CTNNA3: variants seen among roughly 807,000 people sequenced by gnomAD.
CTNNA3 encodes catenin alpha 3.
Under a neutral mutation model 95.7 loss-of-function variants are expected in CTNNA3, and 76 were observed. The ratio of observed to expected loss-of-function variants is 0.79; its 90% confidence interval spans 0.66 to 0.96. The LOEUF is 0.96. CTNNA3 is among the 40% of genes least tolerant of loss of function. The probability of loss-of-function intolerance (pLI) is 0.00; values close to 1 mark genes in which losing one functional copy is unlikely to be tolerated. For missense variants in CTNNA3, 1,191 were observed against 1,089.8 expected, an observed-to-expected ratio of 1.09 and a Z score of -1.31; for synonymous variants, 431 against 374.4, an observed-to-expected ratio of 1.15 and a Z score of -1.74.
chr10:66,942,588 A>T (rs937879540), intron 7 of CTNNA3, among the ~76,000 whole-genome samples: 1 of 146,600 alleles, frequency 6.8e-6, no homozygotes, highest in Admixed American at 6.8e-5. Flanking sequence ...GTGTGTGTGT[A>T]TGTGTGTGTG....
intron 17 of CTNNA3, among the ~76,000 whole-genome samples, chr10:65,965,685 G>A (rs1412368110): frequency 4.6e-5 from 7 of 151,912 alleles, no homozygotes; most frequent in African/African-American, 7.3e-5. Flanking sequence ...CTGAAACACC[G>A]CAACTGGCTC....
chr10:66,880,781 C>T (rs1844819091), intron 7 of CTNNA3, among the ~76,000 whole-genome samples: 1 of 152,030 alleles, frequency 6.6e-6, no homozygotes, highest in Non-Finnish European at 1.5e-5. Flanking sequence ...TTGCTCATAG[C>T]AAATGGCAGC....
chr10:65,943,068 CT>C lies in CTNNA3; in HGVS notation c.2401-22452del, dbSNP rs749513883. 4.5e-3 allele frequency among the ~76,000 whole-genome samples: 634 copies of C among 142,070 alleles called. 5 individuals carry two copies. Among genetic ancestry groups the C allele is most frequent in the African/African-American group, 0.014 (543 of 39,510 alleles). 93.2% of individuals were successfully genotyped at this position (142,070 alleles called of 152,430 possible). A position where few individuals can be genotyped will look rare whatever the true frequency, so the allele number is the denominator to read the frequency against. ...AATAGTTATGTCTTTTTTTCTTTTT[CT>C]TTTTTTTTTTTTGAGACGGAGTCTC... On this transcript the variant is annotated intron_variant, in intron 17 of 17. Transcript: ENST00000433211.
chr10:66,086,486 C>T (rs754385506), intron 14 of CTNNA3, among the ~76,000 whole-genome samples: 14 of 151,632 alleles, frequency 9.2e-5, no homozygotes, highest in South Asian at 4.2e-4. Flanking sequence ...CATGGGCATG[C>T]GAATTTTTTT....
At chr10:67,169,821 A>G (rs905788198) in intron 7 of CTNNA3, among the ~76,000 whole-genome samples, 18 of 152,174 alleles carry the variant, frequency 1.2e-4, no homozygotes, top group Non-Finnish European at 2.2e-4. Flanking sequence ...TCAACACAGT[A>G]AACAGACAAC....
At chr10:66,809,268 A>G (rs1248888485) in intron 7 of CTNNA3, among the ~76,000 whole-genome samples, 1 of 152,208 alleles carries the variant, frequency 6.6e-6, no homozygotes, top group African/African-American at 2.4e-5. Context: ...TGACATCATT[A>G]TGATATTAAG....
intron 16 of CTNNA3, among the ~76,000 whole-genome samples, chr10:65,969,817 G>A (rs3017064): frequency 0.19 from 28,978 of 152,004 alleles, 2,928 homozygotes; most frequent in South Asian, 0.29. Context: ...TCCTGAGACT[G>A]AGAAAAAGAT....
At chr10:66,939,895 C>G (rs562102576) in intron 7 of CTNNA3, among the ~76,000 whole-genome samples, 1 of 152,266 alleles carries the variant, frequency 6.6e-6, no homozygotes, top group East Asian at 1.9e-4. Context: ...AACTGCAATC[C>G]TCAAGTTCTC....
Position 66,583,299 on chromosome 10 carries a change from TTTGTTGTTG to T in CTNNA3, c.1374+38384_1374+38392del, listed in dbSNP as rs139169263. Among the ~76,000 whole-genome samples the T allele has an allele frequency of 6.8e-4, 102 of 150,434 alleles. 1 individual carries two copies. Among genetic ancestry groups the T allele is most frequent in the East Asian group, 2.0e-3 (10 of 5,070 alleles). ...TTTGTTTGTTTGCAGTGTTTTGGTT[TTTGTTGTTG>T]TTGTTGTTGTTGTTGTTGTTGTTTT... On this transcript the variant is annotated intron_variant, in intron 10 of 17. Coordinates refer to ENST00000433211, the MANE Select transcript of CTNNA3 (RefSeq NM_013266.4).
rs80186042 is a variant in CTNNA3 at position 66,525,729 on chromosome 10, T to C, written c.1375-4956A>G. Among the ~76,000 whole-genome samples, 135 of 152,278 alleles carry C rather than the reference T, an allele frequency of 8.9e-4. 3 individuals carry two copies. The East Asian group carries it at 0.023, about 26-fold the overall frequency. ...CTCAGTGGCATTAAGTACATTCACA[T>C]AGCTGTGCAACTATCCATCTCCAGA... On this transcript the variant is annotated intron_variant, in intron 10 of 17. Coordinates refer to ENST00000433211, the MANE Select transcript of CTNNA3 (RefSeq NM_013266.4).
At chr10:66,429,674 C>T (rs1394816604) in intron 11 of CTNNA3, among the ~76,000 whole-genome samples, 1 of 152,154 alleles carries the variant, frequency 6.6e-6, no homozygotes, top group Non-Finnish European at 1.5e-5. Context: ...TCGATAGATG[C>T]AGAAAAGGTC....
At chr10:66,225,390 A>AATATAT (rs3053735) in intron 13 of CTNNA3, among the ~76,000 whole-genome samples, 6,467 of 125,696 alleles carry the variant, frequency 0.051, 209 homozygotes, top group East Asian at 0.1. Context: ...ATTTTATTCA[A>AATATAT]ATATATATAT....
intron 10 of CTNNA3, among the ~76,000 whole-genome samples, chr10:66,610,318 G>T (rs1325645669): frequency 6.6e-6 from 1 of 152,132 alleles, no homozygotes; most frequent in South Asian, 2.1e-4. Context: ...ACCCGCACAT[G>T]TACCCCTGAA....
At chr10:67,101,957 G>A (rs1213031853) in intron 7 of CTNNA3, among the ~76,000 whole-genome samples, 3 of 102,856 alleles carry the variant, frequency 2.9e-5, no homozygotes, top group Admixed American at 8.5e-5. Context: ...CAGAGCATGC[G>A]AAAGAAGAAG....
chr10:67,744,431 G>A (rs899445515), intron 1 of CTNNA3, among the ~76,000 whole-genome samples: 1 of 151,214 alleles, frequency 6.6e-6, no homozygotes, highest in Non-Finnish European at 1.5e-5. Context: ...AAATGGTGCT[G>A]GGAAAACTGG....
At chr10:67,586,674 G>T (rs1437607920) in intron 3 of CTNNA3, among the ~76,000 whole-genome samples, 1 of 151,844 alleles carries the variant, frequency 6.6e-6, no homozygotes, top group Non-Finnish European at 1.5e-5. Flanking sequence ...CCTATTTTTA[G>T]TCTATATGTG....
chr10:67,149,376 G>A (rs1249781589), intron 7 of CTNNA3, among the ~76,000 whole-genome samples: 2 of 152,090 alleles, frequency 1.3e-5, no homozygotes, highest in African/African-American at 4.8e-5. Flanking sequence ...ATGAGGTCAG[G>A]AGATTGAGAC....
chr10:67,473,843 C>T (rs1847916414), intron 5 of CTNNA3, among the ~76,000 whole-genome samples: 1 of 152,018 alleles, frequency 6.6e-6, no homozygotes, highest in Admixed American at 6.5e-5. Context: ...TGTGTATAGG[C>T]TATGTGAAAT....
intron 7 of CTNNA3, among the ~76,000 whole-genome samples, chr10:66,886,516 C>T (rs1589377660): frequency 6.6e-6 from 1 of 152,164 alleles, no homozygotes; most frequent in Admixed American, 6.5e-5. Flanking sequence ...ATGCTTACCT[C>T]CAAGGACTCA....
Sources: allele counts gnomAD v4.1 joint callset (sites outside exome capture counted in the v4.1 genomes callset), GRCh38; gene constraint gnomAD v4.1.1; transcripts MANE v1.5; gene names NCBI Gene and HGNC (gene_info 2026-07-23, HGNC 2026-07-21).